ANO1: variants seen among roughly 807,000 people sequenced by gnomAD.
ANO1 encodes the protein anoctamin 1.
In ANO1, 59 loss-of-function variants were observed where a neutral mutation model predicts 124.0. The ratio of observed to expected loss-of-function variants is 0.48; its 90% CI spans 0.39 to 0.59. The LOEUF is 0.59. Ranked by LOEUF, ANO1 falls within the 20% of genes least tolerant of loss-of-function variation. The pLI is 0.00. For missense variants in ANO1, 1,059 were observed against 1,328.0 expected (o/e 0.80, Z 3.15); for synonymous variants, 529 against 532.0 (o/e 0.99, Z 0.08).
At chr11:69,975,754 C>T in the ANO1 span, among the ~76,000 whole-genome samples, 1 of 152,220 alleles carries the variant, frequency 6.6e-6, no homozygotes, top group Non-Finnish European at 1.5e-5. Flanking sequence ...GCTCACCAGC[C>T]AGCGAAACCT....
At chr11:70,111,157 C>T (rs1418136409) in intron 6 of ANO1, 2 of 456,898 alleles carry the variant, frequency 4.4e-6, no homozygotes, top group African/African-American at 4.0e-5. Flanking sequence ...AGGACTCCGC[C>T]CTTCTAAGTA....
chr11:70,127,064 G>T (rs1293004990), intron 10 of ANO1, among the ~76,000 whole-genome samples: 1 of 129,642 alleles, frequency 7.7e-6, no homozygotes. Context: ...CTCGGTGCAG[G>T]CTGGTGCTTG....
chr11:70,034,886 G>A (rs1857067286), intron 1 of ANO1, among the ~76,000 whole-genome samples: 1 of 152,048 alleles, frequency 6.6e-6, no homozygotes, highest in Non-Finnish European at 1.5e-5. Context: ...GAGCCCAGCA[G>A]GGACTCTGCT....
chr11:69,974,387 A>C, the ANO1 span, among the ~76,000 whole-genome samples: 1 of 152,226 alleles, frequency 6.6e-6, no homozygotes. Context: ...TGGGCAAGAC[A>C]CAGGCTGTTC....
chr11:69,981,308 T>A (rs1855957671), upstream of ANO1, among the ~76,000 whole-genome samples: 1 of 152,164 alleles, frequency 6.6e-6, no homozygotes, highest in East Asian at 1.9e-4. Context: ...TCACTTCACC[T>A]CTCTGAGCCT....
chr11:70,020,107 C>A (rs1186500556), intron 1 of ANO1, among the ~76,000 whole-genome samples: 2 of 152,236 alleles, frequency 1.3e-5, no homozygotes, highest in East Asian at 3.8e-4. Context: ...TCTATCCCCC[C>A]AGCTGGGGCA....
Position 70,185,509 on chromosome 11 carries a change from C to A in ANO1, c.2589-81C>A, listed in dbSNP as rs377183326. 7.2e-5 allele frequency: 94 copies of A among 1,310,650 alleles called. 1 individual carries two copies. Among genetic ancestry groups the A allele is most frequent in the Admixed American group, 9.5e-5 (5 of 52,482 alleles). The allele number at this position is 1,310,650 out of a possible 1,614,324, so 81.2% of individuals were successfully genotyped here. A position where few individuals can be genotyped will look rare whatever the true frequency, so the allele number is the denominator to read the frequency against. On this transcript the variant is annotated intron_variant, in intron 24 of 25. Transcript: ENST00000355303. The stretch of plus-strand genomic sequence containing the variant: ...CACACCAAGCTGAGCCTCTCCCAGG[C>A]GTCCCTCGAGCTGCCTGACTCCAGC...
At chr11:70,110,558 A>T (rs1438263562) in intron 6 of ANO1, among the ~76,000 whole-genome samples, 1 of 151,846 alleles carries the variant, frequency 6.6e-6, no homozygotes, top group East Asian at 1.9e-4. Context: ...TCTGGTTTTG[A>T]CTTCTAAGCA....
At chr11:70,055,067 T>C (rs1157067705) in intron 1 of ANO1, among the ~76,000 whole-genome samples, 2 of 152,212 alleles carry the variant, frequency 1.3e-5, no homozygotes, top group Non-Finnish European at 2.9e-5. Flanking sequence ...TTTTTTATAG[T>C]TGTCCTTTTG....
chr11:70,051,056 C>T (rs1857342830), intron 1 of ANO1, among the ~76,000 whole-genome samples: 1 of 152,140 alleles, frequency 6.6e-6, no homozygotes, highest in Admixed American at 6.5e-5. Flanking sequence ...TGAAAGTGTA[C>T]AGATCATAAT....
At chr11:70,165,224 A>G (rs2048207287) in intron 19 of ANO1, 1 of 509,458 alleles carries the variant, frequency 2.0e-6, no homozygotes, top group Admixed American at 3.4e-5. Context: ...TTTTCTGAGG[A>G]CATCAGTCCT....
At chr11:70,016,705 CA>C (rs1374876759) in intron 1 of ANO1, among the ~76,000 whole-genome samples, 1 of 152,242 alleles carries the variant, frequency 6.6e-6, no homozygotes, top group African/African-American at 2.4e-5. Context: ...TCAGGGTCTG[CA>C]AAAGAGTTGC....
intron 1 of ANO1, among the ~76,000 whole-genome samples, chr11:70,011,883 C>A (rs1856603863): frequency 6.6e-6 from 1 of 152,162 alleles, no homozygotes; most frequent in Non-Finnish European, 1.5e-5. Context: ...AATTGATAGC[C>A]ACCAATCCAG....
chr11:70,038,433 T>C (rs1197468299), intron 1 of ANO1, among the ~76,000 whole-genome samples: 1 of 152,152 alleles, frequency 6.6e-6, no homozygotes, highest in African/African-American at 2.4e-5. Flanking sequence ...AACATCCCCA[T>C]CTCCTTTGTT....
Position 70,103,444 on chromosome 11 carries a change from G to A in ANO1, c.540+280G>A, listed in dbSNP as rs111281139. ...GTGCAGGCAGAAAAGCCCACCTCTCGGCCCCCGGGGAATTTACTGTACTTG... is the reference window on the plus strand; with the variant it reads ...GTGCAGGCAGAAAAGCCCACCTCTCAGCCCCCGGGGAATTTACTGTACTTG... On this transcript the variant is annotated intron_variant, in intron 3 of 25. Transcript: ENST00000355303. 4.5e-4 allele frequency among the ~76,000 whole-genome samples: 69 copies of A among 152,082 alleles called. 1 individual carries two copies. Among genetic ancestry groups the A allele is most frequent in the African/African-American group, 1.5e-3 (64 of 41,494 alleles).
At chr11:70,074,041 C>A (rs60434081), upstream of ANO1, among the ~76,000 whole-genome samples, 1,283 of 152,252 alleles carry the variant, frequency 8.4e-3, 20 homozygotes, top group African/African-American at 0.029. Flanking sequence ...ATTCTCCAGG[C>A]ACGTCTTCCC....
chr11:70,118,949 G>A (rs998014502), intron 8 of ANO1, among the ~76,000 whole-genome samples: 65 of 149,404 alleles, frequency 4.4e-4, no homozygotes, highest in African/African-American at 1.5e-3. Flanking sequence ...ATGGGTGATG[G>A]GTGGGTAGGT....
At position 70,103,068 on chromosome 11, in the gene ANO1, TA is replaced by T; in HGVS notation, c.448del (p.Ile150SerfsTer7). ...CAGAACTTTCCTTCTCTCTCCAGAC[TA>T]AAATCCACGGAGTCGGGTTTGTGAA... ...GLELERDEDT[K>X]IHGVGFVKIH... On this transcript the variant is annotated frameshift_variant, in exon 3 of 26. Transcript: ENST00000355303. LOFTEE classifies it high-confidence loss of function. The T allele has an allele frequency of 6.2e-7, 1 of 1,609,544 alleles. No individual in the cohort carries two copies. The highest frequency in any genetic ancestry group is 8.5e-7 in the Non-Finnish European group (1 of 1,177,920).
intron 2 of ANO1, among the ~76,000 whole-genome samples, chr11:70,089,452 A>G (rs11233666): frequency 0.63 from 95,231 of 151,448 alleles, 30,058 homozygotes; most frequent in East Asian, 0.73. Flanking sequence ...CTTGAAATCA[A>G]TGGAACGTGC....
Sources: gnomAD v4.1 joint callset for allele counts (sites outside exome capture counted in the v4.1 genomes callset) on GRCh38, gnomAD v4.1.1 for gene constraint, MANE v1.5 for transcripts, NCBI Gene and HGNC (gene_info 2026-07-23, HGNC 2026-07-21) for gene names.